ANKRD30B: variants seen among roughly 807,000 people sequenced by gnomAD.
The protein encoded by ANKRD30B is ankyrin repeat domain 30B.
In ANKRD30B, 144 loss-of-function variants were observed where a neutral mutation model predicts 202.2. That is an observed-to-expected ratio of 0.71 (90% CI 0.62 to 0.82). ANKRD30B has a LOEUF of 0.82. Ranked by LOEUF, ANKRD30B falls within the 40% of genes least tolerant of loss-of-function variation. The pLI, the probability that ANKRD30B is intolerant of heterozygous loss-of-function variation, is 0.00. For synonymous variants in ANKRD30B, 508 were observed against 561.3 expected (o/e 0.91, Z 1.34); for missense variants, 1,487 against 1,669.1 (o/e 0.89, Z 1.90).
At chr18:14,839,339 T>C (rs1971312692) in intron 36 of ANKRD30B, among the ~76,000 whole-genome samples, 1 of 152,086 alleles carries the variant, frequency 6.6e-6, no homozygotes, top group Non-Finnish European at 1.5e-5. Context: ...CAACTGCCAT[T>C]TAATCTCCCA....
At chr18:14,900,144 G>T in the ANKRD30B span, among the ~76,000 whole-genome samples, 1 of 152,016 alleles carries the variant, frequency 6.6e-6, no homozygotes, top group African/African-American at 2.4e-5. Flanking sequence ...ACATTTCAGT[G>T]GTCCACATAC....
At chr18:14,844,106 A>C (rs1971533951) in intron 39 of ANKRD30B, among the ~76,000 whole-genome samples, 1 of 152,220 alleles carries the variant, frequency 6.6e-6, no homozygotes, top group Non-Finnish European at 1.5e-5. Context: ...AGATCCATCC[A>C]TAATGTGTAG....
At position 14,851,833 on chromosome 18, in the gene ANKRD30B, C is replaced by T; in HGVS notation, c.3889C>T (p.His1297Tyr). Reference protein sequence around the residue: ...KEILETEIESHHPRLASALQD... With the variant: ...KEILETEIESYHPRLASALQD... ...AATACTGGAGACAGAAATTGAATCA[C>T]ACCATCCTAGACTGGCTTCTGCTTT... Residue 1297 changes from histidine (H) to tyrosine (Y), a missense_variant, in exon 42 of 44, where the codon CAC becomes TAC. His to Tyr is a moderately conservative substitution (Grantham distance 83). Coordinates refer to ENST00000690538, the MANE Select transcript of ANKRD30B (RefSeq NM_001367607.2). 4 of 1,593,660 alleles carry T rather than the reference C, an allele frequency of 2.5e-6. No homozygotes were observed. The highest frequency in any genetic ancestry group is 1.1e-5 in the South Asian group (1 of 89,304).
chr18:14,901,429 A>C, the ANKRD30B span, among the ~76,000 whole-genome samples: 2 of 152,236 alleles, frequency 1.3e-5, no homozygotes, highest in Non-Finnish European at 2.9e-5. Flanking sequence ...CTAACCCAAC[A>C]TCAAGTAGAA....
At chr18:14,771,088 CA>C (rs1322235083) in intron 8 of ANKRD30B, among the ~76,000 whole-genome samples, 1 of 152,166 alleles carries the variant, frequency 6.6e-6, no homozygotes, top group African/African-American at 2.4e-5. Flanking sequence ...TTTTTGGTAA[CA>C]TGCTTATGCT....
chr18:14,834,970 T>A (rs1214471922), intron 34 of ANKRD30B, among the ~76,000 whole-genome samples: 2 of 152,000 alleles, frequency 1.3e-5, no homozygotes, highest in African/African-American at 4.8e-5. Context: ...TTTGATTCTT[T>A]GGTTTCTGGT....
At chr18:14,845,540 G>T (rs1971603718) in intron 39 of ANKRD30B, among the ~76,000 whole-genome samples, 1 of 151,588 alleles carries the variant, frequency 6.6e-6, no homozygotes, top group Admixed American at 6.6e-5. Flanking sequence ...GTTAGTAATT[G>T]TAGCTTTCTC....
At chr18:14,873,142 G>T in the ANKRD30B span, among the ~76,000 whole-genome samples, 196 of 152,300 alleles carry the variant, frequency 1.3e-3, no homozygotes, top group African/African-American at 4.5e-3. Context: ...AGAACAGTAG[G>T]TTGATTGTGG....
At chr18:14,783,157 A>G (rs976295129) in intron 12 of ANKRD30B, among the ~76,000 whole-genome samples, 1 of 152,166 alleles carries the variant, frequency 6.6e-6, no homozygotes, top group African/African-American at 2.4e-5. Context: ...TATTTGCAAT[A>G]GGTGAGTATT....
chr18:14,883,704 A>C, the ANKRD30B span: 1 of 151,388 alleles, frequency 6.6e-6, no homozygotes, highest in Admixed American at 6.6e-5. Flanking sequence ...ATGGCAGGGT[A>C]ATTTGCTTCA....
At chr18:14,780,460 T>TA (rs57466543) in intron 11 of ANKRD30B, among the ~76,000 whole-genome samples, 2 of 150,874 alleles carry the variant, frequency 1.3e-5, no homozygotes, top group African/African-American at 2.4e-5. Context: ...AAAAAATACT[T>TA]AAAAAAAATC....
At chr18:14,933,721 T>C in the ANKRD30B span, among the ~76,000 whole-genome samples, 1 of 135,074 alleles carries the variant, frequency 7.4e-6, no homozygotes. Flanking sequence ...CATTAATCAG[T>C]GGCCACTACG....
chr18:14,808,406 C>T, intron 24 of ANKRD30B, 145 bp from the exon 25 acceptor site: 1 of 881,202 alleles, frequency 1.1e-6, no homozygotes, highest in Non-Finnish European at 1.8e-6. Flanking sequence ...TTAACAAATA[C>T]AAAAACCCAA....
intron 34 of ANKRD30B, among the ~76,000 whole-genome samples, chr18:14,836,476 C>T (rs1971177849): frequency 6.6e-6 from 1 of 152,152 alleles, no homozygotes; most frequent in Admixed American, 6.6e-5. Flanking sequence ...TTATAATTTT[C>T]CATATCTTAT....
chr18:14,769,143 C>A (rs953071014), intron 7 of ANKRD30B, among the ~76,000 whole-genome samples, 200 bp from the exon 8 acceptor site: 7 of 152,118 alleles, frequency 4.6e-5, no homozygotes, highest in African/African-American at 1.4e-4. Context: ...ATGCATGATT[C>A]TTTTAAATTA....
chr18:14,872,791 G>T, the ANKRD30B span, among the ~76,000 whole-genome samples: 1 of 152,134 alleles, frequency 6.6e-6, no homozygotes, highest in Non-Finnish European at 1.5e-5. Context: ...GACTGTGCAG[G>T]AGTCGATACA....
At chr18:14,764,324 T>C (rs773795582) in intron 7 of ANKRD30B, among the ~76,000 whole-genome samples, 5 of 152,202 alleles carry the variant, frequency 3.3e-5, no homozygotes, top group African/African-American at 1.2e-4. Flanking sequence ...GCTAAAATCA[T>C]AGGAACCAAA....
At chr18:14,884,626 A>G in the ANKRD30B span, among the ~76,000 whole-genome samples, 1 of 152,054 alleles carries the variant, frequency 6.6e-6, no homozygotes, top group African/African-American at 2.4e-5. Context: ...AATGATAAGA[A>G]TTTGGAAAAT....
At chr18:14,867,553 T>C in the ANKRD30B span, among the ~76,000 whole-genome samples, 1 of 152,168 alleles carries the variant, frequency 6.6e-6, no homozygotes, top group Non-Finnish European at 1.5e-5. Flanking sequence ...ACCCGGCCCT[T>C]GCCCTCTTGC....
Sources: allele counts gnomAD v4.1 joint callset (sites outside exome capture counted in the v4.1 genomes callset), GRCh38; gene constraint gnomAD v4.1.1; transcripts MANE v1.5; gene names NCBI Gene and HGNC (gene_info 2026-07-23, HGNC 2026-07-21).